The following CENPP variants were observed in gnomAD, a reference collection of about 807,000 sequenced individuals.
CENPP encodes the protein centromere protein P.
A neutral mutation model predicts 35.6 loss-of-function variants in CENPP; 24 were observed. That is an observed-to-expected ratio of 0.67 (90% CI 0.49 to 0.95). CENPP has a LOEUF of 0.95. CENPP is among the 40% of genes least tolerant of loss of function. The pLI is 0.00. For synonymous variants in CENPP, 120 were observed against 125.5 expected (o/e 0.96, Z 0.29); for missense variants, 332 against 345.3 (o/e 0.96, Z 0.31).
intron 4 of CENPP, among the ~76,000 whole-genome samples, chr9:92,352,505 G>GTGTATA: frequency 1.0e-4 from 5 of 49,786 alleles, no homozygotes; most frequent in African/African-American, 1.8e-4. Flanking sequence ...GTGTGTGTGT[G>GTGTATA]TATACATATA....
intron 5 of CENPP, among the ~76,000 whole-genome samples, chr9:92,446,141 G>A (rs1257890298): frequency 6.6e-6 from 1 of 152,138 alleles, no homozygotes; most frequent in Admixed American, 6.5e-5. Context: ...AAATGATTGT[G>A]CCTTGACTGT....
intron 5 of CENPP, among the ~76,000 whole-genome samples, chr9:92,594,803 A>T (rs951379796): frequency 1.3e-5 from 2 of 152,140 alleles, no homozygotes; most frequent in South Asian, 2.1e-4. Context: ...AACATTTTTT[A>T]AAAACTTTTA....
intron 5 of CENPP, among the ~76,000 whole-genome samples, chr9:92,594,030 T>G (rs1850721397): frequency 6.6e-6 from 1 of 152,174 alleles, no homozygotes; most frequent in Non-Finnish European, 1.5e-5. Context: ...GCAATCTTGG[T>G]TCATTAATTA....
intron 5 of CENPP, among the ~76,000 whole-genome samples, chr9:92,561,812 A>C (rs926023705): frequency 6.6e-6 from 1 of 152,210 alleles, no homozygotes; most frequent in African/African-American, 2.4e-5. Context: ...CAAAGAAGCC[A>C]ATATGAATGA....
At chr9:92,537,006 C>T (rs1271185371) in intron 5 of CENPP, among the ~76,000 whole-genome samples, 2 of 151,362 alleles carry the variant, frequency 1.3e-5, no homozygotes, top group Admixed American at 1.3e-4. Flanking sequence ...AGTAGGTGGG[C>T]TTAAAGGCGC....
chr9:92,603,025 G>A (rs1001125534), intron 5 of CENPP, among the ~76,000 whole-genome samples: 1 of 152,106 alleles, frequency 6.6e-6, no homozygotes, highest in Non-Finnish European at 1.5e-5. Context: ...TCTTGACCTC[G>A]TGATCCGCTC....
At chr9:92,460,707 A>G in intron 5 of CENPP, 1 of 575,156 alleles carries the variant, frequency 1.7e-6, no homozygotes, top group Non-Finnish European at 3.1e-6. Context: ...ACAGAGTTTC[A>G]CTCTTGTTGC....
intron 5 of CENPP, chr9:92,539,009 G>A (rs2131305435): frequency 1.3e-5 from 2 of 152,100 alleles, no homozygotes; most frequent in South Asian, 4.2e-4. Flanking sequence ...CCAAATAAAG[G>A]TAAATTTTGG....
intron 5 of CENPP, among the ~76,000 whole-genome samples, chr9:92,513,132 T>A (rs1395850889): frequency 6.6e-6 from 1 of 152,160 alleles, no homozygotes; most frequent in South Asian, 2.1e-4. Context: ...CCCAGACGAA[T>A]GCTCCTGCTG....
chr9:92,387,378 G>GAA (rs574588556), intron 5 of CENPP, among the ~76,000 whole-genome samples: 6 of 117,280 alleles, frequency 5.1e-5, no homozygotes, highest in Admixed American at 1.7e-4. Flanking sequence ...TCCATCTCAA[G>GAA]AAAAAAAAAA....
upstream of CENPP, chr9:92,325,684 C>T (rs1048830763): frequency 6.0e-6 from 2 of 333,802 alleles, no homozygotes; most frequent in Non-Finnish European, 1.1e-5. Flanking sequence ...CGGGCGGCTC[C>T]AAGGCTGCCG....
intron 5 of CENPP, among the ~76,000 whole-genome samples, chr9:92,413,236 C>T (rs1218916847): frequency 6.6e-6 from 1 of 152,114 alleles, no homozygotes; most frequent in South Asian, 2.1e-4. Flanking sequence ...ATCCACCTAA[C>T]TCGGCCTTCC....
intron 5 of CENPP, among the ~76,000 whole-genome samples, chr9:92,563,690 TGAGA>T (rs891004035): frequency 6.6e-6 from 1 of 152,142 alleles, no homozygotes; most frequent in Non-Finnish European, 1.5e-5. Context: ...TTGGTGAGAG[TGAGA>T]GAAACTCCCT....
intron 4 of CENPP, among the ~76,000 whole-genome samples, chr9:92,352,467 CTGTG>C (rs61233585): frequency 0.013 from 901 of 71,302 alleles, 23 homozygotes; most frequent in Admixed American, 0.029. Context: ...TGCTTAAAGC[CTGTG>C]TGTGTGTGTG....
intron 5 of CENPP, chr9:92,460,653 G>T: frequency 1.2e-6 from 1 of 852,852 alleles, no homozygotes; most frequent in Non-Finnish European, 1.8e-6. Flanking sequence ...TCAGATTATG[G>T]ATTTAGGCAA....
In CENPP at chr9:92,502,896, C is replaced by T. The variant is rs1846777145; in HGVS notation, c.565-108418C>T. 1.3e-5 allele frequency among the ~76,000 whole-genome samples: 2 copies of T among 150,856 alleles called. 1 individual carries two copies. The highest frequency in any genetic ancestry group is 4.2e-4 in the South Asian group (2 of 4,736). On this transcript the variant is annotated intron_variant, in intron 5 of 7. Transcript: ENST00000375587. Reference sequence around the variant, plus strand: ...AAACATGGCTCACTGCAGCCTTGACCTCCCAGGCTCAAGTGATCCTACCAC... The same window carrying T: ...AAACATGGCTCACTGCAGCCTTGACTTCCCAGGCTCAAGTGATCCTACCAC...
chr9:92,457,162 G>A (rs1844905423), intron 5 of CENPP: 1 of 1,428,730 alleles, frequency 7.0e-7, no homozygotes, highest in African/African-American at 1.4e-5. Flanking sequence ...TAAGTCAGTG[G>A]ACTTACCACT....
chr9:92,338,353 A>G (rs1005637532), intron 3 of CENPP, among the ~76,000 whole-genome samples: 1 of 151,966 alleles, frequency 6.6e-6, no homozygotes, highest in Non-Finnish European at 1.5e-5. Context: ...ATCCCTCAGT[A>G]TCTGTGAGGG....
intron 5 of CENPP, among the ~76,000 whole-genome samples, chr9:92,546,624 G>A (rs1411801346): frequency 6.6e-6 from 1 of 152,160 alleles, no homozygotes; most frequent in Non-Finnish European, 1.5e-5. Flanking sequence ...TGGAACACCA[G>A]AAGGAACAAA....
Sources: allele counts gnomAD v4.1 joint callset (sites outside exome capture counted in the v4.1 genomes callset), GRCh38; gene constraint gnomAD v4.1.1; transcripts MANE v1.5; gene names NCBI Gene and HGNC (gene_info 2026-07-23, HGNC 2026-07-21).